The following SORL1 variants were observed in gnomAD, a reference collection of about 807,000 sequenced individuals.
SORL1 encodes sortilin-related receptor.
SORL1 carries 127 observed loss-of-function variants against 273.7 expected under a neutral mutation model. The observed-to-expected ratio is 0.46, with a 90% confidence interval of 0.40 to 0.54. The LOEUF is 0.54. Among genes scored for constraint, SORL1 ranks in the 20% least tolerant of loss-of-function variants. The probability of loss-of-function intolerance (pLI) is 0.00; values close to 1 mark genes in which losing one functional copy is unlikely to be tolerated. For missense variants in SORL1, 2,494 were observed against 2,846.1 expected (o/e 0.88, Z 2.81); for synonymous variants, 1,031 against 1,067.4 (o/e 0.97, Z 0.66).
At chr11:121,564,620 A>G (rs747132523) in intron 21 of SORL1, among the ~76,000 whole-genome samples, 49 of 152,232 alleles carry the variant, frequency 3.2e-4, no homozygotes, top group Non-Finnish European at 5.7e-4. Context: ...TCTGTTACCC[A>G]GGCTGGAGTG....
chr11:121,554,328 C>T lies in SORL1; in HGVS notation c.2439+219C>T, dbSNP rs1002367776. ...GGAAGGATAAAGAAAGCCCTAAATC[C>T]ACAGACCTGCTTGAAAGTGAGGTCT... On this transcript the variant is annotated intron_variant, in intron 17 of 47. Coordinates refer to ENST00000260197, the MANE Select transcript of SORL1 (RefSeq NM_003105.6). The surrounding 1 kb of genome is among the most constrained non-coding windows in gnomAD (Gnocchi z 4.6). 4.6e-5 allele frequency among the ~76,000 whole-genome samples: 7 copies of T among 152,298 alleles called. No homozygotes were observed. The highest frequency in any genetic ancestry group is 1.7e-4 in the African/African-American group (7 of 41,550).
At chr11:121,561,822 C>T (rs1001096713) in intron 21 of SORL1, among the ~76,000 whole-genome samples, 5 of 151,938 alleles carry the variant, frequency 3.3e-5, no homozygotes, top group African/African-American at 4.8e-5. Context: ...TTTCTGTTTG[C>T]CTTTGGGATT....
Position 121,614,862 on chromosome 11 carries a change from T to G in SORL1, c.5420-9T>G. The G allele has an allele frequency of 6.2e-7, 1 of 1,611,368 alleles. No individual in the cohort carries two copies. Among genetic ancestry groups the G allele is most frequent in the Non-Finnish European group, 8.5e-7 (1 of 1,178,736 alleles). On this transcript the variant is annotated splice_polypyrimidine_tract_variant and intron_variant, in intron 40 of 47. Coordinates refer to ENST00000260197, the MANE Select transcript of SORL1 (RefSeq NM_003105.6). Reference sequence around the variant, plus strand: ...TTCCTCCTGGAATCTCCTTTTCCTGTTTTCACAGTTGGCAATCTGACAGCT... The same window carrying G: ...TTCCTCCTGGAATCTCCTTTTCCTGGTTTCACAGTTGGCAATCTGACAGCT...
intron 6 of SORL1, among the ~76,000 whole-genome samples, chr11:121,500,418 A>C (rs1346637242): frequency 6.6e-6 from 1 of 152,236 alleles, no homozygotes; most frequent in East Asian, 1.9e-4. Context: ...CACGCCTTGC[A>C]TGCTGCAGAC....
In SORL1 at chr11:121,619,789, G is replaced by C; in HGVS notation, c.5761G>C (p.Asp1921His). ...VVVPYQGPSSDYVVVKMIPDS... is the reference protein window; with the variant it reads ...VVVPYQGPSSHYVVVKMIPDS... ...GGTACCCTACCAGGGGCCATCCTCT[G>C]ACTACGTTGTAGTGAAGATGATCCC... The change falls in exon 43 of 48, where the codon GAC becomes CAC. Residue 1921 changes from aspartate to histidine, a missense_variant. By Grantham distance (81) the Asp-to-His change is moderately conservative. Around this residue, in one of 3 missense-constraint regions of SORL1, gnomAD observed 1,609 missense variants for 1,816.4 expected, o/e 0.89. Transcript: ENST00000260197. 6.2e-7 allele frequency: 1 copy of C among 1,614,090 alleles called. No individual in the cohort carries two copies. Among genetic ancestry groups the C allele is most frequent in the Non-Finnish European group, 8.5e-7 (1 of 1,179,952 alleles).
Position 121,554,081 on chromosome 11 carries a change from G to T in SORL1, c.2411G>T (p.Trp804Leu), listed in dbSNP as rs763318809. ...GACTATGAGCACAACTGTTTGTATT[G>T]GTCCGACCTGGCCTTGGACGTCATC... ...DFDYEHNCLY[W>L]SDLALDVIQR... Residue 804 changes from tryptophan (W) to leucine (L), a missense_variant, in exon 17 of 48, where the codon TGG (tryptophan) becomes TTG (leucine). Trp to Leu is a moderately conservative substitution (Grantham distance 61). This residue lies in a region of SORL1 where 710 missense variants were observed against 882.5 expected (regional missense o/e 0.80). Coordinates refer to ENST00000260197, the MANE Select transcript of SORL1 (RefSeq NM_003105.6). The surrounding 1 kb of genome is among the most constrained non-coding windows in gnomAD (Gnocchi z 4.6). The T allele has an allele frequency of 6.2e-7, 1 of 1,614,094 alleles. No individual in the cohort carries two copies. The highest frequency in any genetic ancestry group is 8.5e-7 in the Non-Finnish European group (1 of 1,180,008).
rs1862484235 is a variant in SORL1, at chr11:121,550,038, C to T, written c.2130C>T (p.Tyr710=). 4.3e-6 allele frequency: 7 copies of T among 1,613,632 alleles called. No individual in the cohort carries two copies. In the African/African-American group the frequency reaches 6.7e-5, roughly 15 times the overall value. Residue 710 remains tyrosine, a synonymous_variant, in exon 15 of 48, where the codon TAC becomes TAT. Coordinates refer to ENST00000260197, the MANE Select transcript of SORL1 (RefSeq NM_003105.6). This position sits in a 1 kb window ranked among gnomAD's most constrained non-coding sequence, Gnocchi z 5.3. Reference sequence around the variant, plus strand: ...ATCCGGAATTTTCTGGAAAGTCATACTCCCCTCCTGTGCCTTGCCCTGTGG... The same window carrying T: ...ATCCGGAATTTTCTGGAAAGTCATATTCCCCTCCTGTGCCTTGCCCTGTGG... ...VPDPEFSGKS[Y]SPPVPCPVGS...
At chr11:121,495,587 G>A (rs1047577342) in intron 5 of SORL1, among the ~76,000 whole-genome samples, 1 of 152,166 alleles carries the variant, frequency 6.6e-6, no homozygotes, top group African/African-American at 2.4e-5. Flanking sequence ...TCATCACTCT[G>A]TATTCTCACT....
Position 121,596,360 on chromosome 11 carries a change from A to C in SORL1, c.4519+588A>C, listed in dbSNP as rs767744577. Among the ~76,000 whole-genome samples, 1 of 152,142 alleles carries C rather than the reference A, an allele frequency of 6.6e-6. No individual in the cohort carries two copies. Among genetic ancestry groups the C allele is most frequent in the Admixed American group, 6.5e-5 (1 of 15,286 alleles). On this transcript the variant is annotated intron_variant, in intron 32 of 47. Transcript: ENST00000260197. The surrounding 1 kb of genome is among the most constrained non-coding windows in gnomAD (Gnocchi z 4.3). ...GTCCTGGTGTTTGGTCCTCTGATGA[A>C]CCCAGGGAGGATCTTTGCAGTGAGT...
chr11:121,622,299 G>T, intron 45 of SORL1, 31 bp downstream of exon 45: 1 of 1,262,556 alleles, frequency 7.9e-7, no homozygotes, highest in South Asian at 1.2e-5. Context: ...CAATGACTTT[G>T]GAAATTTAAT....
At chr11:121,567,494 C>G (rs1462295841) in intron 22 of SORL1, among the ~76,000 whole-genome samples, 2 of 152,194 alleles carry the variant, frequency 1.3e-5, no homozygotes, top group African/African-American at 2.4e-5. Context: ...TAAGTTGGAC[C>G]AACCTGATTG....
At chr11:121,586,009 T>C (rs1026206712) in intron 26 of SORL1, among the ~76,000 whole-genome samples, 1 of 152,226 alleles carries the variant, frequency 6.6e-6, no homozygotes, top group Non-Finnish European at 1.5e-5. Context: ...TTGTAAACTT[T>C]TATTTACATT....
rs962313576 is a variant in SORL1, at chr11:121,631,671, A to G, written c.*2108A>G. The G allele has an allele frequency of 6.6e-6, 1 of 152,192 alleles. No individual in the cohort carries two copies. Among genetic ancestry groups the G allele is most frequent in the Non-Finnish European group, 1.5e-5 (1 of 68,052 alleles). 9.4% of individuals were successfully genotyped at this position (152,192 alleles called of 1,614,324 possible). A position where few individuals can be genotyped will look rare whatever the true frequency, so the allele number is the denominator to read the frequency against. The stretch of plus-strand genomic sequence containing the variant: ...ATATGTCTCCAGTTGGCAGCTTGAG[A>G]TATTTCCGAGCATCCGGTTCTAGCT... On this transcript the variant is annotated 3_prime_UTR_variant, in exon 48 of 48. Transcript: ENST00000260197.
At chr11:121,564,727 C>T (rs1862728220) in intron 21 of SORL1, among the ~76,000 whole-genome samples, 1 of 151,474 alleles carries the variant, frequency 6.6e-6, no homozygotes, top group South Asian at 2.1e-4. Flanking sequence ...CAGATGTGTA[C>T]CCGGCTAATT....
intron 24 of SORL1, among the ~76,000 whole-genome samples, chr11:121,575,146 T>C (rs75575091): frequency 0.032 from 4,931 of 152,270 alleles, 263 homozygotes; most frequent in African/African-American, 0.11. Flanking sequence ...GTGACTGAGG[T>C]CTGTAGAGGT....
intron 26 of SORL1, among the ~76,000 whole-genome samples, chr11:121,585,727 T>C (rs1863092755): frequency 6.6e-6 from 1 of 152,222 alleles, no homozygotes; most frequent in Non-Finnish European, 1.5e-5. Flanking sequence ...TCCTATTTCA[T>C]ACCCATAATG....
chr11:121,529,535 A>C (rs1862172456), intron 11 of SORL1, among the ~76,000 whole-genome samples: 1 of 152,092 alleles, frequency 6.6e-6, no homozygotes, highest in Admixed American at 6.5e-5. Context: ...TACATCTTTT[A>C]ACATCCATTC....
chr11:121,536,427 G>GTT (rs1222441901), intron 12 of SORL1, among the ~76,000 whole-genome samples: 44 of 128,626 alleles, frequency 3.4e-4, no homozygotes, highest in Admixed American at 3.9e-4. Context: ...TTATCACTGT[G>GTT]TTTTTTTTTT....
In SORL1 at chr11:121,494,940, C is replaced by T. The variant is rs538613753; in HGVS notation, c.759-1929C>T. ...GAAAAGAAGAGAACATGCCACCACC[C>T]GCCCACACATGCACACAGAGGATCT... On this transcript the variant is annotated intron_variant, in intron 5 of 47. Transcript: ENST00000260197. Among the ~76,000 whole-genome samples, 9 of 152,270 alleles carry T rather than the reference C, an allele frequency of 5.9e-5. No homozygotes were observed. In the East Asian group the frequency reaches 1.5e-3, roughly 26 times the overall value.
Sources: allele counts gnomAD v4.1 joint callset (sites outside exome capture counted in the v4.1 genomes callset), GRCh38; gene constraint gnomAD v4.1.1; regional missense constraint gnomAD v4.1.1; non-coding constraint Gnocchi (gnomAD v3.1); transcripts MANE v1.5; gene names NCBI Gene and HGNC (gene_info 2026-07-23, HGNC 2026-07-21).